The following CACNA2D1 variants were observed in gnomAD, a reference collection of about 807,000 sequenced individuals.
CACNA2D1 encodes calcium voltage-gated channel auxiliary subunit alpha2delta 1.
In CACNA2D1, 53 loss-of-function variants were observed where a neutral mutation model predicts 171.5. That is an observed-to-expected ratio of 0.31 (90% CI 0.25 to 0.39). The LOEUF is 0.39. CACNA2D1 is among the 10% of genes least tolerant of loss of function. The pLI, the probability that CACNA2D1 is intolerant of heterozygous loss-of-function variation, is 1.00. For synonymous variants in CACNA2D1, 442 were observed against 443.1 expected (o/e 1.00, Z 0.03); for missense variants, 903 against 1,299.8 (o/e 0.69, Z 4.69).
At chr7:82,148,948 T>C (rs551060819) in intron 4 of CACNA2D1, among the ~76,000 whole-genome samples, 1 of 152,312 alleles carries the variant, frequency 6.6e-6, no homozygotes, top group East Asian at 1.9e-4. Context: ...GACACCCTTC[T>C]TAATGCCTCT....
intron 6 of CACNA2D1, among the ~76,000 whole-genome samples, chr7:82,085,697 T>C (rs76229061): frequency 2.0e-5 from 3 of 151,760 alleles, no homozygotes; most frequent in Admixed American, 1.3e-4. Context: ...TTTTTTTTTT[T>C]CTCCTGGTTA....
intron 12 of CACNA2D1, chr7:82,028,073 T>C (rs1802167861): frequency 6.6e-6 from 1 of 151,852 alleles, no homozygotes; most frequent in South Asian, 2.1e-4. Context: ...TCTAGGACTT[T>C]CATAGCTAAA....
intron 28 of CACNA2D1, among the ~76,000 whole-genome samples, chr7:81,969,320 A>C (rs1326043414): frequency 6.6e-6 from 1 of 151,436 alleles, no homozygotes; most frequent in East Asian, 1.9e-4. Flanking sequence ...GGATGCATAA[A>C]ACTGACTTTG....
chr7:82,201,132 T>C (rs924543558), intron 3 of CACNA2D1, among the ~76,000 whole-genome samples: 2 of 152,158 alleles, frequency 1.3e-5, no homozygotes, highest in Non-Finnish European at 2.9e-5. Flanking sequence ...AGGTAGGGTA[T>C]TGGAAGAGGT....
chr7:82,006,892 C>T (rs1041859507), intron 16 of CACNA2D1, among the ~76,000 whole-genome samples: 6 of 151,970 alleles, frequency 3.9e-5, no homozygotes, highest in South Asian at 2.1e-4. Context: ...GTGCAGCAGA[C>T]GTCATGAAAC....
chr7:81,996,403 A>C (rs1310620785), intron 19 of CACNA2D1, among the ~76,000 whole-genome samples: 3 of 152,090 alleles, frequency 2.0e-5, no homozygotes, highest in Non-Finnish European at 4.4e-5. Context: ...TGCAGTGACA[A>C]GTTATAAAAG....
intron 3 of CACNA2D1, among the ~76,000 whole-genome samples, chr7:82,178,295 G>A (rs770370650): frequency 2.6e-5 from 4 of 152,090 alleles, no homozygotes; most frequent in Non-Finnish European, 5.9e-5. Context: ...CAAATAAATT[G>A]GAAGACCCTT....
chr7:81,977,060 T>A (rs534360704), intron 24 of CACNA2D1, among the ~76,000 whole-genome samples: 2 of 152,152 alleles, frequency 1.3e-5, no homozygotes, highest in African/African-American at 4.8e-5. Flanking sequence ...TCTTGCCTGA[T>A]TGCCCTGGCC....
rs1044497392 is a variant in CACNA2D1, at chr7:82,090,948, T to A, written c.527-6048A>T. Reference sequence around the variant, plus strand: ...TACCTTAAGAAAAGTCATTTATATGTTGACTACCTTAAGAAAAGAGCTGCA... The same window carrying A: ...TACCTTAAGAAAAGTCATTTATATGATGACTACCTTAAGAAAAGAGCTGCA... On this transcript the variant is annotated intron_variant, in intron 6 of 38. Coordinates refer to ENST00000356860, the MANE Select transcript of CACNA2D1 (RefSeq NM_000722.4). 3.9e-5 allele frequency among the ~76,000 whole-genome samples: 6 copies of A among 151,994 alleles called. No individual in the cohort carries two copies. In the East Asian group the frequency reaches 1.2e-3, roughly 29 times the overall value.
chr7:82,078,370 C>T (rs554480379), intron 7 of CACNA2D1, among the ~76,000 whole-genome samples: 10 of 152,222 alleles, frequency 6.6e-5, no homozygotes, highest in East Asian at 1.9e-4. Context: ...ATTACTGCAA[C>T]AATTGGTACA....
chr7:82,084,343 A>T (rs565129256), intron 7 of CACNA2D1, among the ~76,000 whole-genome samples: 56 of 152,288 alleles, frequency 3.7e-4, no homozygotes, highest in Non-Finnish European at 6.6e-4. Context: ...ATTTTAACAG[A>T]TCCACGTCTA....
rs1032389574 is a variant in CACNA2D1 at position 82,373,056 on chromosome 7, C to T, written c.96-23407G>A. 1.2e-4 allele frequency among the ~76,000 whole-genome samples: 18 copies of T among 152,176 alleles called. No individual in the cohort carries two copies. The East Asian group carries it at 2.9e-3, about 25-fold the overall frequency. On this transcript the variant is annotated intron_variant, in intron 1 of 38. Transcript: ENST00000356860. ...AAAATTACCTGGGCATGGTGGCACA[C>T]GCCTGTAGTCCCAGCTACTCAGGAG...
intron 3 of CACNA2D1, among the ~76,000 whole-genome samples, chr7:82,221,927 G>A (rs1801818113): frequency 6.6e-6 from 1 of 151,306 alleles, no homozygotes; most frequent in South Asian, 2.1e-4. Flanking sequence ...CAGCTTTTGT[G>A]ACTAGTCTAT....
At chr7:82,168,771 C>T (rs780700992) in intron 4 of CACNA2D1, among the ~76,000 whole-genome samples, 2 of 152,044 alleles carry the variant, frequency 1.3e-5, no homozygotes, top group Admixed American at 6.6e-5. Context: ...CACATTATTG[C>T]TCTTTAGAAA....
intron 5 of CACNA2D1, among the ~76,000 whole-genome samples, chr7:82,119,079 G>C (rs1333405504): frequency 1.3e-5 from 2 of 152,002 alleles, no homozygotes; most frequent in African/African-American, 4.8e-5. Flanking sequence ...TATGAAAAAG[G>C]CTACTTAACA....
intron 1 of CACNA2D1, among the ~76,000 whole-genome samples, chr7:82,392,254 C>T (rs556058479): frequency 7.9e-5 from 12 of 152,298 alleles, no homozygotes; most frequent in African/African-American, 2.4e-4. Context: ...CCAATCAGCA[C>T]GTGCTCCCCC....
At chr7:82,309,174 G>A (rs1459077969) in intron 3 of CACNA2D1, among the ~76,000 whole-genome samples, 2 of 152,164 alleles carry the variant, frequency 1.3e-5, no homozygotes, top group Non-Finnish European at 2.9e-5. Context: ...GGGAGACCGA[G>A]GCGGGTGGAT....
chr7:81,951,531 T>C (rs1377616467), intron 38 of CACNA2D1, among the ~76,000 whole-genome samples: 1 of 152,064 alleles, frequency 6.6e-6, no homozygotes, highest in East Asian at 1.9e-4. Context: ...GTCCATTATA[T>C]CATTCTTATG....
At chr7:82,056,939 ACTCACAGGG>A (rs60323518) in intron 10 of CACNA2D1, among the ~76,000 whole-genome samples, 15,809 of 152,042 alleles carry the variant, frequency 0.1, 935 homozygotes, top group Middle Eastern at 0.19. Context: ...TGACCACAGG[ACTCACAGGG>A]TCTACCATAT....
Sources: gnomAD v4.1 joint callset for allele counts (sites outside exome capture counted in the v4.1 genomes callset) on GRCh38, gnomAD v4.1.1 for gene constraint, MANE v1.5 for transcripts, NCBI Gene and HGNC (gene_info 2026-07-23, HGNC 2026-07-21) for gene names.